The following NLRP10 variants were observed in gnomAD, a reference collection of about 807,000 sequenced individuals.
NLRP10 encodes NLR family pyrin domain containing 10.
NLRP10 carries 7 observed loss-of-function variants against 8.2 expected under a neutral mutation model. That is an observed-to-expected ratio of 0.85 (90% CI 0.48 to 1.60). The LOEUF (loss-of-function observed/expected upper bound fraction) is 1.60, where lower values mean the gene tolerates loss of function less well. Ranked by LOEUF, NLRP10 falls within the 40% of genes most tolerant of loss-of-function variation. The pLI, the probability that NLRP10 is intolerant of heterozygous loss-of-function variation, is 0.00. For missense variants in NLRP10, 814 were observed against 776.3 expected (o/e 1.05, Z -0.58); for synonymous variants, 338 against 314.0 (o/e 1.08, Z -0.81).
At chr11:7,963,056 TGGAG>T (rs1941759820) in intron 2 of NLRP10, 147 bp downstream of exon 2, 1 of 703,406 alleles carries the variant, frequency 1.4e-6, no homozygotes, top group Non-Finnish European at 2.3e-6. Context: ...AACCCTCAGG[TGGAG>T]ACCACCAAGG....
In NLRP10 at chr11:7,959,688, T is replaced by C; in HGVS notation, c.1924A>G (p.Lys642Glu). The change falls in exon 3 of 3, where the codon AAA becomes GAA. Residue 642 changes from lysine to glutamate, a missense_variant. Lys to Glu is a moderately conservative substitution (Grantham distance 56, BLOSUM62 1). Transcript: ENST00000691676. ...AGTQKEASTG[K>E]GRGTEETPKN... ...GGTGTTTCCTCTGTCCCTCTGCCTT[T>C]TCCAGTAGAAGCTTCCTTTTGTGTT... The C allele has an allele frequency of 6.3e-7, 1 of 1,594,162 alleles. No individual in the cohort carries two copies. The highest frequency in any genetic ancestry group is 8.5e-7 in the Non-Finnish European group (1 of 1,175,014).
rs527498709 is a variant in NLRP10 at position 7,963,273 on chromosome 11, G to A, written c.223C>T (p.Leu75Phe). The part of the protein sequence containing the change: ...YGEKEAVKVV[L>F]KGLKVMNLLE... ...AGGTTCATGACCTTCAAGCCCTTGAGGACAACTTTCACAGCCTCCTTTTCT... is the reference window on the plus strand; with the variant it reads ...AGGTTCATGACCTTCAAGCCCTTGAAGACAACTTTCACAGCCTCCTTTTCT... Residue 75 changes from leucine (L) to phenylalanine (F), a missense_variant, in exon 2 of 3, where the codon CTC (leucine) becomes TTC (phenylalanine). Transcript: ENST00000691676. 4.2e-5 allele frequency: 68 copies of A among 1,614,212 alleles called. No individual in the cohort carries two copies. The South Asian group carries it at 7.4e-4, about 17-fold the overall frequency.
At position 7,960,392 on chromosome 11, in the gene NLRP10, T is replaced by G; in HGVS notation, c.1220A>C (p.His407Pro). Residue 407 changes from histidine (H) to proline (P), a missense_variant, in exon 3 of 3, where the codon CAC becomes CCC. Coordinates refer to ENST00000691676, the MANE Select transcript of NLRP10 (RefSeq NM_001391958.1). ...DDGGCSELSR[H>P]RVLRSLCSLA... ...GGAGCACAGACTCCTCAGGACCCTG[T>G]GCCGGGAAAGCTCGGAGCAGCCCCC... The G allele has an allele frequency of 6.2e-7, 1 of 1,614,034 alleles. No individual in the cohort carries two copies. The highest frequency in any genetic ancestry group is 1.3e-5 in the African/African-American group (1 of 75,026).
chr11:7,960,486 C>G lies in NLRP10; in HGVS notation c.1126G>C (p.Glu376Gln). The change falls in exon 3 of 3, where the codon GAG becomes CAG. Residue 376 changes from glutamate (E) to glutamine (Q), a missense_variant. Transcript: ENST00000691676. Reference sequence around the variant, plus strand: ...ATGTCAGTGCTGTTTCTAGGTGTCTCTAAGACAACTTTGCCTCTCTCCATC... The same window carrying G: ...ATGTCAGTGCTGTTTCTAGGTGTCTGTAAGACAACTTTGCCTCTCTCCATC... ...GQMERGKVVL[E>Q]TPRNSTDIFM... 6.2e-7 allele frequency: 1 copy of G among 1,614,158 alleles called. No individual in the cohort carries two copies. Among genetic ancestry groups the G allele is most frequent in the Non-Finnish European group, 8.5e-7 (1 of 1,180,026 alleles).
chr11:7,961,597 C>A (rs1488178400), intron 2 of NLRP10, among the ~76,000 whole-genome samples: 2 of 152,136 alleles, frequency 1.3e-5, no homozygotes, highest in Non-Finnish European at 2.9e-5. Context: ...CACATGTGCT[C>A]GTGGACCTTC....
rs1941699996 is a variant in NLRP10, at chr11:7,960,577, G to A, written c.1035C>T (p.Asp345=). The A allele has an allele frequency of 1.9e-6, 3 of 1,614,170 alleles. No homozygotes were observed. The East Asian group carries it at 6.7e-5, about 36-fold the overall frequency. Residue 345 remains aspartate, a synonymous_variant, in exon 3 of 3, where the codon GAC becomes GAT. Transcript: ENST00000691676. ...DRAFDIVQKN[D]ILYKACQVPG... ...GAACCTGACACGCTTTGTAGAGAAT[G>A]TCATTTTTCTGTACAATGTCGAAGG...
At position 7,963,439 on chromosome 11, in the gene NLRP10, G is replaced by C. The variant is rs1459246586; in HGVS notation, c.57C>G (p.Asp19Glu). The change falls in exon 2 of 3, where the codon GAC becomes GAG. Residue 19 changes from aspartate (D) to glutamate (E), a missense_variant. Physicochemically the swap from Asp to Glu is conservative, Grantham distance 45 (BLOSUM62 2). Transcript: ENST00000691676. Reference protein sequence around the residue: ...PREALLWALSDLEENDFKKLK... With the variant: ...PREALLWALSELEENDFKKLK... Reference sequence around the variant, plus strand: ...ACTTCTTGAAATCGTTCTCCTCAAGGTCACTCAAGGCCCAGAGCAATGCCT... The same window carrying C: ...ACTTCTTGAAATCGTTCTCCTCAAGCTCACTCAAGGCCCAGAGCAATGCCT... 7 of 1,614,086 alleles carry C rather than the reference G, an allele frequency of 4.3e-6. No individual in the cohort carries two copies. Among genetic ancestry groups the C allele is most frequent in the Non-Finnish European group, 4.2e-6 (5 of 1,180,012 alleles).
chr11:7,964,706 T>C (rs1484244033), intron 1 of NLRP10, among the ~76,000 whole-genome samples: 1 of 152,212 alleles, frequency 6.6e-6, no homozygotes, highest in African/African-American at 2.4e-5. Flanking sequence ...AAAGTTAGGC[T>C]AAATGTTGCC....
At chr11:7,962,698 T>C (rs907733973) in intron 2 of NLRP10, among the ~76,000 whole-genome samples, 15 of 151,592 alleles carry the variant, frequency 9.9e-5, no homozygotes, top group African/African-American at 3.4e-4. Context: ...CACCAAAAGA[T>C]CCCTCCCTCC....
rs981476741 is a variant in NLRP10, at chr11:7,959,226, T to C, written c.*418A>G. On this transcript the variant is annotated 3_prime_UTR_variant, in exon 3 of 3. Transcript: ENST00000691676. ...CTTTTGCTCCTTTGTCTAAGATCAA[T>C]TGACCATTTTTGTGTAGGTTTGTTT... Among the ~76,000 whole-genome samples, 1 of 152,242 alleles carries C rather than the reference T, an allele frequency of 6.6e-6. No homozygotes were observed. Among genetic ancestry groups the C allele is most frequent in the African/African-American group, 2.4e-5 (1 of 41,464 alleles).
At chr11:7,963,825 T>TC (rs898840773) in intron 1 of NLRP10, among the ~76,000 whole-genome samples, 1 of 150,340 alleles carries the variant, frequency 6.7e-6, no homozygotes, top group African/African-American at 2.4e-5. Context: ...TCTCTCTCTC[T>TC]CCCCCCACTC....
At position 7,959,964 on chromosome 11, in the gene NLRP10, CT is replaced by C; in HGVS notation, c.1647del (p.Glu550AsnfsTer6). The C allele has an allele frequency of 6.2e-7, 1 of 1,614,160 alleles. No homozygotes were observed. The highest frequency in any genetic ancestry group is 8.5e-7 in the Non-Finnish European group (1 of 1,180,024). On this transcript the variant is annotated frameshift_variant, in exon 3 of 3. Coordinates refer to ENST00000691676, the MANE Select transcript of NLRP10 (RefSeq NM_001391958.1). LOFTEE classifies it low-confidence loss of function (END_TRUNC). ...TTGTGCTTCATAGATTCCATCTGTT[CT>C]TTAAAATGCTTCAGATCCTGCGCTA... Reference protein sequence around the residue: ...PCLAQDLKHFKEQMESMKHNR... With the variant: ...PCLAQDLKHFXEQMESMKHNR...
In NLRP10 at chr11:7,959,856, A is replaced by G; in HGVS notation, c.1756T>C (p.Phe586Leu). The G allele has an allele frequency of 6.2e-7, 1 of 1,613,680 alleles. No homozygotes were observed. Among genetic ancestry groups the G allele is most frequent in the Non-Finnish European group, 8.5e-7 (1 of 1,179,760 alleles). ...TTTTCATTTGAATGTTTTATCTTGA[A>G]TGATACATTGTTCATCTGAATACCT... Reference protein sequence around the residue: ...VKGIQMNNVSFKIKHSNEKKS... With the variant: ...VKGIQMNNVSLKIKHSNEKKS... The change falls in exon 3 of 3, where the codon TTC becomes CTC. Residue 586 changes from phenylalanine to leucine, a missense_variant. By Grantham distance (22) the Phe-to-Leu change is conservative. Transcript: ENST00000691676.
At position 7,963,532 on chromosome 11, in the gene NLRP10, A is replaced by G; in HGVS notation, c.-37T>C. 1 of 1,566,164 alleles carries G rather than the reference A, an allele frequency of 6.4e-7. No individual in the cohort carries two copies. Among genetic ancestry groups the G allele is most frequent in the Non-Finnish European group, 8.7e-7 (1 of 1,155,494 alleles). On this transcript the variant is annotated 5_prime_UTR_variant, in exon 2 of 3. Transcript: ENST00000691676. ...GGAAGGATCAAGTCCAGACCAGAAG[A>G]CCAGTGACCTGGAGAAAGAGGCAAA...
At chr11:7,964,091 T>A (rs945712775) in intron 1 of NLRP10, among the ~76,000 whole-genome samples, 2 of 151,874 alleles carry the variant, frequency 1.3e-5, no homozygotes, top group Admixed American at 6.6e-5. Flanking sequence ...CCAGCTCACT[T>A]TTGTATTTTT....
At position 7,961,319 on chromosome 11, in the gene NLRP10, T is replaced by C; in HGVS notation, c.293A>G (p.Tyr98Cys). 8 of 1,545,068 alleles carry C rather than the reference T, an allele frequency of 5.2e-6. No homozygotes were observed. Among genetic ancestry groups the C allele is most frequent in the Non-Finnish European group, 7.0e-6 (8 of 1,144,260 alleles). Residue 98 changes from tyrosine to cysteine, a missense_variant, in exon 3 of 3, where the codon TAC becomes TGC. Coordinates refer to ENST00000691676, the MANE Select transcript of NLRP10 (RefSeq NM_001391958.1). ...DQLSHICLHD[Y>C]REVYREHVRC... ...CACATGCTCTCGGTATACTTCTCTG[T>C]AATCTGAGCCAAACAAATGGGATGT...
In NLRP10 at chr11:7,961,028, A is replaced by C. The variant is rs781027774; in HGVS notation, c.584T>G (p.Leu195Arg). Residue 195 changes from leucine (L) to arginine (R), a missense_variant, in exon 3 of 3, where the codon CTG (leucine) becomes CGG (arginine). Physicochemically the swap from Leu to Arg is moderately radical, Grantham distance 102. Transcript: ENST00000691676. ...KMVLDWATGT[L>R]YPGRFDYVFY... ...GACATAATCAAACCGGCCTGGGTACAGAGTACCGGTGGCCCAGTCCAACAC... is the reference window on the plus strand; with the variant it reads ...GACATAATCAAACCGGCCTGGGTACCGAGTACCGGTGGCCCAGTCCAACAC... 2 of 1,614,100 alleles carry C rather than the reference A, an allele frequency of 1.2e-6. No homozygotes were observed. Among genetic ancestry groups the C allele is most frequent in the Non-Finnish European group, 1.7e-6 (2 of 1,180,040 alleles).
At chr11:7,964,546 G>A (rs1941789668) in intron 1 of NLRP10, among the ~76,000 whole-genome samples, 1 of 152,226 alleles carries the variant, frequency 6.6e-6, no homozygotes, top group African/African-American at 2.4e-5. Flanking sequence ...TGAGAAATTT[G>A]GCAGTCAGAG....
rs575143988 is a variant in NLRP10 at position 7,958,769 on chromosome 11, C to T, written c.*875G>A. 2.0e-4 allele frequency among the ~76,000 whole-genome samples: 30 copies of T among 152,264 alleles called. No homozygotes were observed. The highest frequency in any genetic ancestry group is 2.6e-4 in the African/African-American group (11 of 41,558). Reference sequence around the variant, plus strand: ...TTCACCACATTGGCCAGGATGGTCTCGGTCTCTTGACCTCGTGATCCACCA... The same window carrying T: ...TTCACCACATTGGCCAGGATGGTCTTGGTCTCTTGACCTCGTGATCCACCA... On this transcript the variant is annotated 3_prime_UTR_variant, in exon 3 of 3. Coordinates refer to ENST00000691676, the MANE Select transcript of NLRP10 (RefSeq NM_001391958.1).
Sources: gnomAD v4.1 joint callset for allele counts (sites outside exome capture counted in the v4.1 genomes callset) on GRCh38, gnomAD v4.1.1 for gene constraint, MANE v1.5 for transcripts, NCBI Gene and HGNC (gene_info 2026-07-23, HGNC 2026-07-21) for gene names.